Variants in PALM2AKAP2 observed in about 807,000 individuals in gnomAD.
The protein encoded by PALM2AKAP2 is PALM2-AKAP2 fusion protein.
PALM2AKAP2 carries 37 observed loss-of-function variants against 71.5 expected under a neutral mutation model. The ratio of observed to expected loss-of-function variants is 0.52; its 90% CI spans 0.40 to 0.68. The LOEUF is 0.68. Ranked by LOEUF, PALM2AKAP2 falls within the 30% of genes least tolerant of loss-of-function variation. PALM2AKAP2 has a pLI of 0.00. For missense variants in PALM2AKAP2, 1,224 were observed against 1,191.8 expected, an observed-to-expected ratio of 1.03 and a Z score of -0.40; for synonymous variants, 468 against 478.8, an observed-to-expected ratio of 0.98 and a Z score of 0.29.
Position 109,727,321 on chromosome 9 carries a change from A to G in PALM2AKAP2, c.6-53167A>G, listed in dbSNP as rs532546474. ...TAATTTGGGAGGGAATTTTATATTC[A>G]TGATTGGTCTGAAATGAGCCCTGAT... On this transcript the variant is annotated intron_variant, in intron 1 of 6. Coordinates refer to the PALM2AKAP2 transcript ENST00000374531. Among the ~76,000 whole-genome samples the G allele has an allele frequency of 8.5e-5, 13 of 152,310 alleles. 1 individual carries two copies. The highest frequency in any genetic ancestry group is 3.1e-4 in the African/African-American group (13 of 41,564).
chr9:110,036,094 C>T (rs1297070145), intron 7 of PALM2AKAP2, among the ~76,000 whole-genome samples: 7 of 151,808 alleles, frequency 4.6e-5, no homozygotes, highest in African/African-American at 7.3e-5. Flanking sequence ...CCACCACGCC[C>T]GGCTAGTTTT....
chr9:109,964,424 C>T (rs936671364), intron 6 of PALM2AKAP2, among the ~76,000 whole-genome samples: 2 of 152,230 alleles, frequency 1.3e-5, no homozygotes, highest in African/African-American at 4.8e-5. Flanking sequence ...TGCAGGAGAC[C>T]AGCTGGGAGG....
intron 2 of PALM2AKAP2, among the ~76,000 whole-genome samples, chr9:110,151,584 A>G (rs746275852): frequency 1.3e-5 from 2 of 152,184 alleles, no homozygotes; most frequent in African/African-American, 2.4e-5. Flanking sequence ...TAACTATCCT[A>G]CAAAGCTAAG....
intron 1 of PALM2AKAP2, among the ~76,000 whole-genome samples, chr9:109,737,980 A>G (rs1050224397): frequency 3.3e-5 from 5 of 152,218 alleles, no homozygotes; most frequent in African/African-American, 9.7e-5. Context: ...GGCATGGAAA[A>G]TCTTTATTGA....
At chr9:109,698,360 C>A (rs949852468) in intron 1 of PALM2AKAP2, among the ~76,000 whole-genome samples, 3 of 150,726 alleles carry the variant, frequency 2.0e-5, no homozygotes, top group African/African-American at 7.4e-5. Flanking sequence ...TTGCAGCAAC[C>A]TCCGCCTCTC....
intron 7 of PALM2AKAP2, among the ~76,000 whole-genome samples, chr9:110,029,289 A>T (rs777361907): frequency 1.3e-5 from 2 of 152,146 alleles, no homozygotes; most frequent in Admixed American, 1.3e-4. Flanking sequence ...TTTAGTTGGG[A>T]TATCAGTGTT....
intron 3 of PALM2AKAP2, among the ~76,000 whole-genome samples, chr9:109,922,227 G>T (rs1159232395): frequency 6.6e-6 from 1 of 151,624 alleles, no homozygotes; most frequent in African/African-American, 2.4e-5. Context: ...CAAGACCCAC[G>T]CAGGCAACAT....
chr9:109,845,349 G>A (rs1004346918), intron 1 of PALM2AKAP2, among the ~76,000 whole-genome samples: 1 of 152,188 alleles, frequency 6.6e-6, no homozygotes, highest in Non-Finnish European at 1.5e-5. Flanking sequence ...CAGTCACTCC[G>A]CCAAATGGCT....
chr9:109,720,328 G>T (rs1194296497), intron 1 of PALM2AKAP2, among the ~76,000 whole-genome samples: 1 of 152,076 alleles, frequency 6.6e-6, no homozygotes, highest in Admixed American at 6.6e-5. Context: ...AAAAAATTCA[G>T]AATAAATGAG....
chr9:110,137,746 CG>C lies in PALM2AKAP2; in HGVS notation c.1780del (p.Ala594HisfsTer78). 1 of 1,614,122 alleles carries C rather than the reference CG, an allele frequency of 6.2e-7. No homozygotes were observed. The highest frequency in any genetic ancestry group is 8.5e-7 in the Non-Finnish European group (1 of 1,180,008). ...TCAGCATGGACAACATCAGTGACAG[CG>C]GGGCATCCAATGAGACAACCAATGC... is the stretch of plus-strand genomic sequence containing the variant. On this transcript the variant is annotated frameshift_variant, in exon 2 of 4. Transcript: ENST00000374525. LOFTEE classifies it high-confidence loss of function.
At chr9:110,010,208 T>C (rs114918043) in intron 6 of PALM2AKAP2, among the ~76,000 whole-genome samples, 2,089 of 152,240 alleles carry the variant, frequency 0.014, 50 homozygotes, top group African/African-American at 0.047. Context: ...TGCAAACTTA[T>C]TCTCTTCTTT....
At chr9:109,643,715 T>C (rs1321794697) in intron 1 of PALM2AKAP2, among the ~76,000 whole-genome samples, 1 of 152,204 alleles carries the variant, frequency 6.6e-6, no homozygotes, top group Non-Finnish European at 1.5e-5. Flanking sequence ...AGTTCTCACT[T>C]CCTGGTTAAC....
At chr9:109,816,300 A>C (rs778977966) in intron 1 of PALM2AKAP2, among the ~76,000 whole-genome samples, 3 of 152,208 alleles carry the variant, frequency 2.0e-5, no homozygotes, top group Non-Finnish European at 2.9e-5. Flanking sequence ...AGGATATAGG[A>C]AGACAGTGCA....
intron 7 of PALM2AKAP2, among the ~76,000 whole-genome samples, chr9:110,016,240 A>C (rs761534880): frequency 6.6e-6 from 1 of 152,146 alleles, no homozygotes; most frequent in Non-Finnish European, 1.5e-5. Flanking sequence ...ACCACCCTGA[A>C]TATGCCCGAC....
intron 3 of PALM2AKAP2, among the ~76,000 whole-genome samples, chr9:109,881,531 C>A (rs897829738): frequency 2.0e-5 from 3 of 152,184 alleles, no homozygotes; most frequent in Middle Eastern, 3.4e-3. Context: ...AGGTTATGTG[C>A]CCGTGCTCTA....
chr9:110,121,639 C>G (rs1006885795), intron 1 of PALM2AKAP2, among the ~76,000 whole-genome samples: 2 of 152,184 alleles, frequency 1.3e-5, no homozygotes, highest in East Asian at 3.8e-4. Context: ...GTTTTTGGAA[C>G]TTTCTGTCAC....
At chr9:109,699,410 C>CA (rs1828020109) in intron 1 of PALM2AKAP2, among the ~76,000 whole-genome samples, 1 of 152,112 alleles carries the variant, frequency 6.6e-6, no homozygotes, top group Non-Finnish European at 1.5e-5. Flanking sequence ...AGGGAATAAT[C>CA]AGAGATGTAA....
At chr9:110,035,526 CAT>C (rs1025674617) in intron 7 of PALM2AKAP2, among the ~76,000 whole-genome samples, 7 of 137,256 alleles carry the variant, frequency 5.1e-5, no homozygotes, top group East Asian at 2.1e-4. Context: ...TTATATATAA[CAT>C]ATATAGGATA....
chr9:109,712,103 T>G (rs1828251026), intron 1 of PALM2AKAP2, among the ~76,000 whole-genome samples: 1 of 152,018 alleles, frequency 6.6e-6, no homozygotes, highest in South Asian at 2.1e-4. Flanking sequence ...TACATATACT[T>G]TATAGAACTG....
Sources: allele counts gnomAD v4.1 joint callset (sites outside exome capture counted in the v4.1 genomes callset), GRCh38; gene constraint gnomAD v4.1.1; transcripts MANE v1.5; gene names NCBI Gene and HGNC (gene_info 2026-07-23, HGNC 2026-07-21).